Variants in WWOX observed in about 807,000 individuals in gnomAD.
WWOX encodes the protein WW domain containing oxidoreductase.
Under a neutral mutation model 46.2 loss-of-function variants are expected in WWOX, and 69 were observed. That is an observed-to-expected ratio of 1.49 (90% CI 1.23 to 1.82). WWOX has a LOEUF of 1.82. WWOX is among the 40% of genes most tolerant of loss of function. The probability of loss-of-function intolerance (pLI) is 0.00; values close to 1 mark genes in which losing one functional copy is unlikely to be tolerated. For synonymous variants in WWOX, 359 were observed against 202.6 expected (o/e 1.77, Z -6.56); for missense variants, 919 against 542.6 (o/e 1.69, Z -6.89).
intron 8 of WWOX, among the ~76,000 whole-genome samples, chr16:79,097,977 C>G (rs2049111367): frequency 6.6e-6 from 1 of 152,092 alleles, no homozygotes; most frequent in African/African-American, 2.4e-5. Context: ...ATGCTTCAAG[C>G]CTTTAAAACC....
intron 8 of WWOX, among the ~76,000 whole-genome samples, chr16:78,655,367 T>G (rs2047057385): frequency 6.6e-6 from 1 of 152,198 alleles, no homozygotes; most frequent in South Asian, 2.1e-4. Context: ...TGGCTTGATC[T>G]CCTCAGCCTG....
chr16:78,792,620 C>T (rs557233457), intron 8 of WWOX, among the ~76,000 whole-genome samples: 2 of 152,230 alleles, frequency 1.3e-5, no homozygotes, highest in South Asian at 4.1e-4. Context: ...CTCTGTCGCC[C>T]AAACAGAATT....
At chr16:78,467,936 C>G (rs369874150) in intron 8 of WWOX, among the ~76,000 whole-genome samples, 9 of 152,264 alleles carry the variant, frequency 5.9e-5, no homozygotes, top group African/African-American at 1.7e-4. Flanking sequence ...TTTCTCACTT[C>G]ATTGTCTTTT....
chr16:78,528,397 G>T (rs188481307), intron 8 of WWOX, among the ~76,000 whole-genome samples: 1 of 151,816 alleles, frequency 6.6e-6, no homozygotes, highest in South Asian at 2.1e-4. Context: ...GCAGAAGATC[G>T]CTCTCACCAA....
chr16:79,134,101 A>T (rs986650375), intron 8 of WWOX, among the ~76,000 whole-genome samples: 24 of 151,964 alleles, frequency 1.6e-4, no homozygotes, highest in Middle Eastern at 3.4e-3. Flanking sequence ...GTTTTTTTTT[A>T]AAAATATGCT....
rs186772300 is a variant in WWOX, at chr16:78,817,025, T to A, written c.1056+384273T>A. On this transcript the variant is annotated intron_variant, in intron 8 of 8. Transcript: ENST00000566780. ...ACTTGGCTTGGGTTCTGACCAACTGTTTTTGATCCCACAGTCTGAAGTACG... is the reference window on the plus strand; with the variant it reads ...ACTTGGCTTGGGTTCTGACCAACTGATTTTGATCCCACAGTCTGAAGTACG... 7.3e-4 allele frequency among the ~76,000 whole-genome samples: 111 copies of A among 152,164 alleles called. 1 individual carries two copies. Among genetic ancestry groups the A allele is most frequent in the Non-Finnish European group, 1.2e-3 (80 of 68,000 alleles).
intron 8 of WWOX, among the ~76,000 whole-genome samples, chr16:78,878,481 G>A (rs1269998274): frequency 6.6e-6 from 1 of 152,104 alleles, no homozygotes. Flanking sequence ...GCTTGGGGGA[G>A]CATCAAATGA....
At chr16:78,183,832 T>G (rs566055969) in intron 5 of WWOX, among the ~76,000 whole-genome samples, 1 of 152,306 alleles carries the variant, frequency 6.6e-6, no homozygotes, top group African/African-American at 2.4e-5. Context: ...TTTGTGTCAT[T>G]TTCAAACAAA....
At chr16:78,376,534 A>G (rs2081830509) in intron 5 of WWOX, among the ~76,000 whole-genome samples, 1 of 152,190 alleles carries the variant, frequency 6.6e-6, no homozygotes, top group Non-Finnish European at 1.5e-5. Context: ...CAGTAAGTAT[A>G]AATAGCTGAT....
chr16:78,127,595 A>T (rs550246941), intron 4 of WWOX, among the ~76,000 whole-genome samples: 65 of 151,426 alleles, frequency 4.3e-4, no homozygotes, highest in African/African-American at 1.5e-3. Flanking sequence ...ACTTGGGGGA[A>T]AAAGAGAAGG....
intron 8 of WWOX, among the ~76,000 whole-genome samples, chr16:78,894,129 C>T (rs12445493): frequency 0.022 from 3,267 of 151,572 alleles, 110 homozygotes; most frequent in East Asian, 0.09. Context: ...GCCTTGACCT[C>T]CTGGGCTCAA....
intron 5 of WWOX, among the ~76,000 whole-genome samples, chr16:78,271,969 A>G (rs532211341): frequency 6.6e-6 from 1 of 152,186 alleles, no homozygotes; most frequent in Non-Finnish European, 1.5e-5. Context: ...GTTCTAATCC[A>G]GGCTGCACAC....
At chr16:78,318,647 G>T (rs2080402557) in intron 5 of WWOX, among the ~76,000 whole-genome samples, 1 of 152,184 alleles carries the variant, frequency 6.6e-6, no homozygotes, top group Non-Finnish European at 1.5e-5. Flanking sequence ...TAGGCTTGCT[G>T]TGGGGAGTAA....
chr16:79,093,166 T>C (rs1418060564), intron 8 of WWOX, among the ~76,000 whole-genome samples: 1 of 151,902 alleles, frequency 6.6e-6, no homozygotes, highest in Admixed American at 6.6e-5. Context: ...GGAAAAAAAA[T>C]GGGCAAAAAT....
chr16:78,378,098 A>ATCCCCCTGCG (rs2081871748), intron 5 of WWOX, among the ~76,000 whole-genome samples: 1 of 152,006 alleles, frequency 6.6e-6, no homozygotes, highest in African/African-American at 2.4e-5. Context: ...TTCTTCAAGA[A>ATCCCCCTGCG]TCCCCCTGCG....
At chr16:78,782,423 C>T (rs541474938) in intron 8 of WWOX, among the ~76,000 whole-genome samples, 1 of 152,306 alleles carries the variant, frequency 6.6e-6, no homozygotes, top group African/African-American at 2.4e-5. Flanking sequence ...CTCTCTTATG[C>T]TGGGGCAACG....
At chr16:79,015,204 GA>G (rs1005435578) in intron 8 of WWOX, among the ~76,000 whole-genome samples, 3 of 152,124 alleles carry the variant, frequency 2.0e-5, no homozygotes, top group African/African-American at 7.2e-5. Context: ...CCTGGAATAA[GA>G]CAGTGTAGGA....
chr16:78,823,042 A>G (rs1193488713), intron 8 of WWOX, among the ~76,000 whole-genome samples: 1 of 152,218 alleles, frequency 6.6e-6, no homozygotes, highest in Non-Finnish European at 1.5e-5. Context: ...GAAAACAGGG[A>G]AAGGCCTTTT....
At chr16:79,005,669 C>T (rs9652678) in intron 8 of WWOX, among the ~76,000 whole-genome samples, 53 of 152,164 alleles carry the variant, frequency 3.5e-4, no homozygotes, top group African/African-American at 1.2e-3. Flanking sequence ...CTTCAATGTT[C>T]TTCTTATAAG....
Sources: gnomAD v4.1 joint callset for allele counts (sites outside exome capture counted in the v4.1 genomes callset) on GRCh38, gnomAD v4.1.1 for gene constraint, MANE v1.5 for transcripts, NCBI Gene and HGNC (gene_info 2026-07-23, HGNC 2026-07-21) for gene names.